ZFAND4: variants seen among roughly 807,000 people sequenced by gnomAD.
ZFAND4 encodes the protein zinc finger AN1-type containing 4, also known as AN1-type zinc finger protein 4.
In ZFAND4, 43 loss-of-function variants were observed where a neutral mutation model predicts 64.4. That is an observed-to-expected ratio of 0.67 (90% CI 0.52 to 0.86). ZFAND4 has a LOEUF of 0.86. Ranked by LOEUF, ZFAND4 falls within the 40% of genes least tolerant of loss-of-function variation. ZFAND4 has a pLI of 0.00. For synonymous variants in ZFAND4, 296 were observed against 305.7 expected (o/e 0.97, Z 0.33); for missense variants, 929 against 859.8 (o/e 1.08, Z -1.01).
chr10:45,629,862 CA>C lies in ZFAND4; in HGVS notation c.718-2758del, dbSNP rs562449582. On this transcript the variant is annotated intron_variant, in intron 6 of 9. Transcript: ENST00000344646. ...TGGATGATAGAGCAAGACCCCATGT[CA>C]AAAAATAAAAATAAATTAATTTTTA... 8.6e-5 allele frequency among the ~76,000 whole-genome samples: 13 copies of C among 151,854 alleles called. No individual in the cohort carries two copies. In the East Asian group the frequency reaches 2.5e-3, roughly 29 times the overall value.
chr10:45,657,652 C>G (rs768624509), intron 2 of ZFAND4, among the ~76,000 whole-genome samples: 13 of 152,078 alleles, frequency 8.5e-5, no homozygotes, highest in Non-Finnish European at 1.9e-4. Flanking sequence ...GTTTATATGG[C>G]TTTATTTGTA....
intron 2 of ZFAND4, among the ~76,000 whole-genome samples, chr10:45,662,008 A>G (rs1182202451): frequency 6.6e-6 from 1 of 151,962 alleles, no homozygotes; most frequent in Non-Finnish European, 1.5e-5. Context: ...ACAAGCCTAG[A>G]GGACAGCCCC....
chr10:45,648,908 A>G, intron 4 of ZFAND4: 11 of 971,758 alleles, frequency 1.1e-5, no homozygotes, highest in Non-Finnish European at 1.3e-5. Context: ...TCTGCTCCCT[A>G]TATTTTCAAA....
In ZFAND4 at chr10:45,651,952, A is replaced by G; in HGVS notation, c.328+14T>C. On this transcript the variant is annotated intron_variant, in intron 4 of 9. Coordinates refer to ENST00000344646, the MANE Select transcript of ZFAND4 (RefSeq NM_174890.4). ...TGTTACTGTCAAATTGCTTTAATAT[A>G]TATATATGCCTACCTCTTCTAGTAT... 6.2e-6 allele frequency: 10 copies of G among 1,609,582 alleles called. No homozygotes were observed. The highest frequency in any genetic ancestry group is 8.5e-6 in the Non-Finnish European group (10 of 1,176,110).
chr10:45,632,825 AT>A (rs2046316310), intron 6 of ZFAND4, among the ~76,000 whole-genome samples: 1 of 152,184 alleles, frequency 6.6e-6, no homozygotes, highest in Admixed American at 6.5e-5. Context: ...CTGTTTTAAA[AT>A]TTCAAGCTGG....
Position 45,648,496 on chromosome 10 carries a change from A to G in ZFAND4, c.367T>C (p.Leu123=). The G allele has an allele frequency of 1.2e-6, 2 of 1,613,712 alleles. No individual in the cohort carries two copies. The highest frequency in any genetic ancestry group is 1.7e-6 in the Non-Finnish European group (2 of 1,179,790). The change falls in exon 5 of 10, where the codon TTG becomes CTG. Residue 123 remains leucine (L), a synonymous_variant. Transcript: ENST00000344646. ...CAGACCTCAACTCGACTGGAATCCA[A>G]GTACTCTGCCATCTTCCTAAGTGGA... ...DDPLRKMAEY[L]DSSRVEVWEK...
At chr10:45,622,223 C>T (rs946127368) in intron 8 of ZFAND4, among the ~76,000 whole-genome samples, 22 of 152,152 alleles carry the variant, frequency 1.4e-4, no homozygotes, top group African/African-American at 5.3e-4. Context: ...ACTTTCAACA[C>T]GGGTGCCAAG....
intron 2 of ZFAND4, among the ~76,000 whole-genome samples, chr10:45,656,239 GAGAA>G (rs1282936394): frequency 7.7e-4 from 13 of 16,874 alleles, no homozygotes; most frequent in African/African-American, 3.5e-3. Flanking sequence ...AAAAAGAAAA[GAGAA>G]GAGAAGAGAA....
At chr10:45,617,166 C>T (rs952128475) in intron 9 of ZFAND4, among the ~76,000 whole-genome samples, 1 of 151,394 alleles carries the variant, frequency 6.6e-6, no homozygotes, top group African/African-American at 2.4e-5. Flanking sequence ...ATATGCCCAT[C>T]GTTTCTCTTA....
intron 4 of ZFAND4, chr10:45,648,902 C>T: frequency 1.0e-6 from 1 of 962,742 alleles, no homozygotes; most frequent in Non-Finnish European, 1.2e-6. Flanking sequence ...ATACTTTCTG[C>T]TCCCTATATT....
chr10:45,643,006 C>T (rs952028643), intron 5 of ZFAND4, among the ~76,000 whole-genome samples: 33 of 148,706 alleles, frequency 2.2e-4, no homozygotes, highest in African/African-American at 7.3e-4. Flanking sequence ...CAACCTCCAC[C>T]TCCCGGGTTC....
intron 1 of ZFAND4, among the ~76,000 whole-genome samples, chr10:45,671,583 A>C (rs1412932511): frequency 2.0e-5 from 3 of 152,224 alleles, no homozygotes; most frequent in Non-Finnish European, 4.4e-5. Context: ...TCACAAGGAC[A>C]GAAAACCAAA....
intron 5 of ZFAND4, among the ~76,000 whole-genome samples, chr10:45,643,724 A>ATT (rs2047188926): frequency 6.6e-6 from 1 of 151,554 alleles, no homozygotes; most frequent in Non-Finnish European, 1.5e-5. Context: ...CACTAAAAAG[A>ATT]TTTGAGACTA....
At chr10:45,671,761 A>G (rs967229254) in intron 1 of ZFAND4, among the ~76,000 whole-genome samples, 3 of 152,040 alleles carry the variant, frequency 2.0e-5, no homozygotes, top group African/African-American at 7.2e-5. Context: ...CAGAAAACCA[A>G]CATGGCACAT....
chr10:45,639,979 T>C lies in ZFAND4; in HGVS notation c.570-16A>G, dbSNP rs2046875062. 1 of 1,592,910 alleles carries C rather than the reference T, an allele frequency of 6.3e-7. No individual in the cohort carries two copies. Among genetic ancestry groups the C allele is most frequent in the Admixed American group, 1.8e-5 (1 of 54,830 alleles). ...AGAACCACCACTGCAAAGAAAACAATAACTACTTGAAATTTTTCTGATACC... is the reference window on the plus strand; with the variant it reads ...AGAACCACCACTGCAAAGAAAACAACAACTACTTGAAATTTTTCTGATACC... On this transcript the variant is annotated splice_polypyrimidine_tract_variant and intron_variant, in intron 5 of 9. Transcript: ENST00000344646.
At chr10:45,617,289 A>G (rs1174368718) in intron 9 of ZFAND4, among the ~76,000 whole-genome samples, 1 of 152,118 alleles carries the variant, frequency 6.6e-6, no homozygotes, top group East Asian at 1.9e-4. Context: ...TATTTCTAGT[A>G]GCAAAATAGG....
At chr10:45,636,849 T>G (rs1186286258) in intron 6 of ZFAND4, among the ~76,000 whole-genome samples, 2 of 152,048 alleles carry the variant, frequency 1.3e-5, no homozygotes, top group Non-Finnish European at 2.9e-5. Flanking sequence ...TTTTTGAGAG[T>G]GGGATGTAGA....
chr10:45,621,840 A>T (rs1049736242), intron 8 of ZFAND4, among the ~76,000 whole-genome samples: 13 of 152,136 alleles, frequency 8.5e-5, no homozygotes, highest in South Asian at 2.1e-4. Context: ...AATTTTTTTT[A>T]AAAAAAACTA....
chr10:45,627,231 G>C (rs2045899754), intron 6 of ZFAND4, 126 bp from the exon 7 acceptor site: 3 of 667,794 alleles, frequency 4.5e-6, no homozygotes, highest in Non-Finnish European at 6.9e-6. Context: ...AATTTAAAAT[G>C]TTTAAGAAGA....
Sources: allele counts gnomAD v4.1 joint callset (sites outside exome capture counted in the v4.1 genomes callset), GRCh38; gene constraint gnomAD v4.1.1; transcripts MANE v1.5; gene names NCBI Gene and HGNC (gene_info 2026-07-23, HGNC 2026-07-21).